TTYH2: variants seen among roughly 807,000 people sequenced by gnomAD.
TTYH2 encodes protein tweety homolog 2.
TTYH2 carries 49 observed loss-of-function variants against 68.3 expected under a neutral mutation model. The ratio of observed to expected loss-of-function variants is 0.72; its 90% CI spans 0.57 to 0.91. TTYH2 has a LOEUF of 0.91. TTYH2 is among the 40% of genes least tolerant of loss of function. TTYH2 has a pLI of 0.00. For synonymous variants in TTYH2, 272 were observed against 300.8 expected (o/e 0.90, Z 0.99); for missense variants, 631 against 700.4 (o/e 0.90, Z 1.12).
At position 74,222,711 on chromosome 17, in the gene TTYH2, C is replaced by T. The variant is rs2050289195; in HGVS notation, c.302+54C>T. On this transcript the variant is annotated intron_variant, in intron 2 of 13. Transcript: ENST00000269346. The surrounding 1 kb of genome is among the most constrained non-coding windows in gnomAD (Gnocchi z 5.2). ...GTGTGTGACTCAGTCTGCAAGGGGC[C>T]AGGGACTGTTTGACCATGTTCTGAC... The T allele has an allele frequency of 6.5e-7, 1 of 1,531,010 alleles. No individual in the cohort carries two copies. Among genetic ancestry groups the T allele is most frequent in the Non-Finnish European group, 8.8e-7 (1 of 1,138,450 alleles). 94.8% of individuals were successfully genotyped at this position (1,531,010 alleles called of 1,614,324 possible). A position where few individuals can be genotyped will look rare whatever the true frequency, so the allele number is the denominator to read the frequency against.
intron 13 of TTYH2, among the ~76,000 whole-genome samples, chr17:74,255,271 A>C (rs923078641): frequency 1.1e-4 from 17 of 152,130 alleles, no homozygotes; most frequent in Non-Finnish European, 2.1e-4. Context: ...CTATAGAATG[A>C]GTATGGGAAT....
chr17:74,255,274 A>G (rs2050681843), intron 13 of TTYH2, among the ~76,000 whole-genome samples: 1 of 152,108 alleles, frequency 6.6e-6, no homozygotes, highest in South Asian at 2.1e-4. Flanking sequence ...TAGAATGAGT[A>G]TGGGAATACT....
At chr17:74,219,308 G>T (rs1428078681) in intron 1 of TTYH2, among the ~76,000 whole-genome samples, 1 of 151,054 alleles carries the variant, frequency 6.6e-6, no homozygotes, top group Non-Finnish European at 1.5e-5. Flanking sequence ...AGAATCCCTT[G>T]CACCTGGGAG....
intron 4 of TTYH2, among the ~76,000 whole-genome samples, chr17:74,238,913 G>A (rs180772915): frequency 1.6e-3 from 235 of 151,068 alleles, no homozygotes; most frequent in Non-Finnish European, 2.4e-3. Flanking sequence ...GTCTTGCTTT[G>A]TTGCCCAGGC....
chr17:74,216,069 T>C (rs2050219529), intron 1 of TTYH2, among the ~76,000 whole-genome samples: 1 of 152,214 alleles, frequency 6.6e-6, no homozygotes, highest in South Asian at 2.1e-4. Context: ...TCTGCAAGAA[T>C]TAGATGAGAT....
chr17:74,222,766 T>C lies in TTYH2; in HGVS notation c.302+109T>C. 7.7e-7 allele frequency: 1 copy of C among 1,304,432 alleles called. No homozygotes were observed. The highest frequency in any genetic ancestry group is 1.0e-6 in the Non-Finnish European group (1 of 983,538). 80.8% of individuals were successfully genotyped at this position (1,304,432 alleles called of 1,614,324 possible). A position where few individuals can be genotyped will look rare whatever the true frequency, so the allele number is the denominator to read the frequency against. On this transcript the variant is annotated intron_variant, in intron 2 of 13. Coordinates refer to ENST00000269346, the MANE Select transcript of TTYH2 (RefSeq NM_032646.6). The surrounding 1 kb of genome is among the most constrained non-coding windows in gnomAD (Gnocchi z 5.2). Reference sequence around the variant, plus strand: ...CTCCAGCTACCTTGATGGAAAAGCTTGTCCCCAGATGAATGTTGTCCCTTT... The same window carrying C: ...CTCCAGCTACCTTGATGGAAAAGCTCGTCCCCAGATGAATGTTGTCCCTTT...
In TTYH2 at chr17:74,213,719, A is replaced by G. The variant is rs7206926; in HGVS notation, c.129+3A>G. The G allele has an allele frequency of 0.72, 1,157,021 of 1,609,114 alleles. 419,073 individuals carry two copies. The highest frequency in any genetic ancestry group is 0.95 in the African/African-American group (70,983 of 74,750). ...CCGGCGACGAGAGTTACCAGGAGGT[A>G]AGTTTACGCCGCCCCAGACCGCAGC... On this transcript the variant is annotated splice_donor_region_variant and intron_variant, in intron 1 of 13. Transcript: ENST00000269346. This position sits in a 1 kb window ranked among gnomAD's most constrained non-coding sequence, Gnocchi z 6.1.
At chr17:74,248,887 G>C in intron 6 of TTYH2, 124 bp from the exon 7 acceptor site, 1 of 1,546,512 alleles carries the variant, frequency 6.5e-7, no homozygotes, top group Non-Finnish European at 8.7e-7. Flanking sequence ...GCTGGCTCCA[G>C]ACTGTCCTTT....
At chr17:74,231,456 G>A (rs2050389072) in intron 3 of TTYH2, among the ~76,000 whole-genome samples, 1 of 152,178 alleles carries the variant, frequency 6.6e-6, no homozygotes, top group East Asian at 1.9e-4. Flanking sequence ...CACTTTGAGG[G>A]AGGCCAAGGC....
rs1044776733 is a variant in TTYH2 at position 74,225,707 on chromosome 17, C to T, written c.302+3050C>T. Among the ~76,000 whole-genome samples, 10 of 152,264 alleles carry T rather than the reference C, an allele frequency of 6.6e-5. No individual in the cohort carries two copies. In the South Asian group the frequency reaches 8.3e-4, roughly 13 times the overall value. ...AGCCTGCCTATCAGCGGCTGCAGAA[C>T]GAGGGGAGCAGGGCCCTGGCTGCCT... On this transcript the variant is annotated intron_variant, in intron 2 of 13. Coordinates refer to ENST00000269346, the MANE Select transcript of TTYH2 (RefSeq NM_032646.6).
At chr17:74,238,664 C>T (rs911413449) in intron 4 of TTYH2, among the ~76,000 whole-genome samples, 45 of 151,916 alleles carry the variant, frequency 3.0e-4, no homozygotes, top group Admixed American at 2.7e-3. Flanking sequence ...GTCGGGAGTC[C>T]GAGACCAGCC....
At chr17:74,225,150 G>A (rs1209962574) in intron 2 of TTYH2, among the ~76,000 whole-genome samples, 1 of 152,204 alleles carries the variant, frequency 6.6e-6, no homozygotes, top group Non-Finnish European at 1.5e-5. Context: ...GGCAAAGGTG[G>A]GGGCAGGGGA....
At chr17:74,231,033 A>G (rs1232421977) in intron 3 of TTYH2, 34 bp downstream of exon 3, 1 of 1,598,390 alleles carries the variant, frequency 6.3e-7, no homozygotes, top group Non-Finnish European at 8.6e-7. Flanking sequence ...GGGTACAGGC[A>G]CAGCCCACAA....
intron 4 of TTYH2, 30 bp from the exon 5 acceptor site, chr17:74,243,344 G>A (rs978560437): frequency 1.3e-6 from 2 of 1,594,544 alleles, no homozygotes; most frequent in Non-Finnish European, 1.7e-6. Flanking sequence ...CCACCCTGCT[G>A]CTCCTGACCA....
chr17:74,260,184 A>C lies in TTYH2; in HGVS notation c.1580A>C (p.His527Pro). ...TCTGTGGCGGATGAGCACCTGAGGC[A>C]CTACGGGAATCAGTTTCCAGCCTAA... The part of the protein sequence containing the change: ...YLSVADEHLR[H>P]YGNQFPA The change falls in exon 14 of 14, where the codon CAC (histidine) becomes CCC (proline). Residue 527 changes from histidine to proline, a missense_variant. Transcript: ENST00000269346. The C allele has an allele frequency of 6.2e-7, 1 of 1,613,984 alleles. No individual in the cohort carries two copies. The highest frequency in any genetic ancestry group is 1.3e-5 in the African/African-American group (1 of 75,038).
At chr17:74,253,015 A>G (rs1247991408) in intron 11 of TTYH2, 66 bp from the exon 12 acceptor site, 8 of 1,550,468 alleles carry the variant, frequency 5.2e-6, no homozygotes, top group Middle Eastern at 1.7e-4. Flanking sequence ...GAAGTAGGAC[A>G]GGACCTGGCT....
rs575880766 is a variant in TTYH2 at position 74,245,824 on chromosome 17, A to G, written c.804+1775A>G. On this transcript the variant is annotated intron_variant, in intron 6 of 13. Transcript: ENST00000269346. ...AGCTTTTGTGTGGCCTCCCAATGCCACCCTGCTCTCTGAGGCCTGTTTTGA... is the reference window on the plus strand; with the variant it reads ...AGCTTTTGTGTGGCCTCCCAATGCCGCCCTGCTCTCTGAGGCCTGTTTTGA... 1.4e-4 allele frequency among the ~76,000 whole-genome samples: 22 copies of G among 152,142 alleles called. No individual in the cohort carries two copies. The East Asian group carries it at 3.9e-3, about 27-fold the overall frequency.
Position 74,243,665 on chromosome 17 carries a change from C to G in TTYH2, c.731+196C>G, listed in dbSNP as rs544072559. ...ACTCACCATCTGGTCACCAAACGAG[C>G]AAGCATTAGGCTTTCCTCCTTCTCT... is the stretch of plus-strand genomic sequence containing the variant. On this transcript the variant is annotated intron_variant, in intron 5 of 13. Coordinates refer to ENST00000269346, the MANE Select transcript of TTYH2 (RefSeq NM_032646.6). Among the ~76,000 whole-genome samples the G allele has an allele frequency of 1.1e-3, 173 of 152,370 alleles. 1 individual carries two copies. The highest frequency in any genetic ancestry group is 4.0e-3 in the African/African-American group (167 of 41,580).
chr17:74,255,827 T>G (rs916316749), intron 13 of TTYH2, among the ~76,000 whole-genome samples: 15 of 152,174 alleles, frequency 9.9e-5, no homozygotes, highest in Admixed American at 5.9e-4. Context: ...GCCAGGCATC[T>G]CCCTTCATTG....
Sources: allele counts gnomAD v4.1 joint callset (sites outside exome capture counted in the v4.1 genomes callset), GRCh38; gene constraint gnomAD v4.1.1; non-coding constraint Gnocchi (gnomAD v3.1); transcripts MANE v1.5; gene names NCBI Gene and HGNC (gene_info 2026-07-23, HGNC 2026-07-21).